The following PCDH10 variants were observed in gnomAD, a reference collection of about 807,000 sequenced individuals.
PCDH10 encodes the protein protocadherin 10.
PCDH10 carries 15 observed loss-of-function variants against 74.4 expected under a neutral mutation model. The ratio of observed to expected loss-of-function variants is 0.20; its 90% CI spans 0.13 to 0.31. PCDH10 has a LOEUF of 0.31. Ranked by LOEUF, PCDH10 falls within the 10% of genes least tolerant of loss-of-function variation. PCDH10 has a pLI of 1.00. For synonymous variants in PCDH10, 619 were observed against 589.8 expected, an observed-to-expected ratio of 1.05 and a Z score of -0.72; for missense variants, 1,260 against 1,390.2, an observed-to-expected ratio of 0.91 and a Z score of 1.49.
intron 2 of PCDH10, among the ~76,000 whole-genome samples, chr4:133,201,478 C>G (rs549600466): frequency 6.6e-6 from 1 of 152,196 alleles, no homozygotes; most frequent in East Asian, 1.9e-4. Flanking sequence ...ACAGAGGAAA[C>G]AACCTCCCAC....
intron 4 of PCDH10, among the ~76,000 whole-genome samples, chr4:133,189,047 G>C (rs997780144): frequency 6.6e-6 from 1 of 151,982 alleles, no homozygotes; most frequent in African/African-American, 2.4e-5. Flanking sequence ...GTCAGAAACT[G>C]AGCTTTTGAG....
At chr4:133,153,971 C>A (rs72715781) in intron 1 of PCDH10, 31,552 of 213,054 alleles carry the variant, frequency 0.15, 2,790 homozygotes, top group Middle Eastern at 0.23. Context: ...AAGGAAAAGA[C>A]AGCAGAATAT....
chr4:133,202,438 GAAGTA>G (rs1179729812), intron 2 of PCDH10, among the ~76,000 whole-genome samples: 1 of 152,168 alleles, frequency 6.6e-6, no homozygotes, highest in Non-Finnish European at 1.5e-5. Flanking sequence ...TCTATTTTAA[GAAGTA>G]AAGTAAATGC....
At position 133,150,666 on chromosome 4, in the gene PCDH10, G is replaced by A. The variant is rs757835485; in HGVS notation, c.526G>A (p.Asp176Asn). ...YFSLDVQTQG[D>N]GNRFAELVLE... is the part of the protein sequence containing the mutation. The stretch of plus-strand genomic sequence containing the variant: ...CTCCCTGGACGTGCAGACCCAGGGG[G>A]ATGGCAACCGATTCGCTGAGCTGGT... Residue 176 changes from aspartate to asparagine, a missense_variant, in exon 1 of 5, where the codon GAT (aspartate) becomes AAT (asparagine). Physicochemically the swap from Asp to Asn is conservative, Grantham distance 23 (BLOSUM62 1). Around this residue, in one of 11 missense-constraint regions of PCDH10, gnomAD observed 35 missense variants for 29.1 expected, o/e 1.20. Coordinates refer to ENST00000264360, the MANE Select transcript of PCDH10 (RefSeq NM_032961.3). The A allele has an allele frequency of 1.2e-6, 2 of 1,613,126 alleles. No individual in the cohort carries two copies. Among genetic ancestry groups the A allele is most frequent in the East Asian group, 2.2e-5 (1 of 44,810 alleles).
At chr4:133,198,571 T>A (rs531724896), downstream of PCDH10, among the ~76,000 whole-genome samples, 2 of 152,318 alleles carry the variant, frequency 1.3e-5, no homozygotes, top group South Asian at 4.1e-4. Context: ...ATGTATGGCC[T>A]CACATGACAG....
intron 4 of PCDH10, among the ~76,000 whole-genome samples, chr4:133,187,505 C>T (rs1307656529): frequency 6.6e-6 from 1 of 152,022 alleles, no homozygotes; most frequent in East Asian, 2.0e-4. Flanking sequence ...ATCTTCCTTC[C>T]TCAATCTAAT....
intron 4 of PCDH10, among the ~76,000 whole-genome samples, chr4:133,177,532 A>G (rs1159014390): frequency 6.6e-6 from 1 of 152,164 alleles, no homozygotes; most frequent in Non-Finnish European, 1.5e-5. Flanking sequence ...GTTTGCCCAA[A>G]TAACAAGAGA....
At chr4:133,177,458 G>GT (rs1308982934) in intron 4 of PCDH10, among the ~76,000 whole-genome samples, 23 of 151,974 alleles carry the variant, frequency 1.5e-4, no homozygotes, top group Admixed American at 1.4e-3. Context: ...TAATTCTCAT[G>GT]TTTTTTTGAT....
chr4:133,156,015 C>T (rs943878502), intron 3 of PCDH10, among the ~76,000 whole-genome samples: 1 of 152,160 alleles, frequency 6.6e-6, no homozygotes, highest in East Asian at 1.9e-4. Context: ...CTGAAAATGT[C>T]GATCTTAGAC....
In PCDH10 at chr4:133,203,099, G is replaced by A. The variant is rs181487784; in HGVS notation, n.438-4977G>A. 2.0e-5 allele frequency among the ~76,000 whole-genome samples: 3 copies of A among 152,218 alleles called. No homozygotes were observed. In the East Asian group the frequency reaches 5.8e-4, roughly 30 times the overall value. On this transcript the variant is annotated intron_variant and non_coding_transcript_variant, in intron 2 of 2. Coordinates refer to the PCDH10 transcript ENST00000511112. ...GGAGGATCAGAAGCTCAATGTCTAT[G>A]AGAGTTCTGTATTTCCAGAAAAGCC... is the stretch of plus-strand genomic sequence containing the variant.
Position 133,150,494 on chromosome 4 carries a change from C to T in PCDH10, c.354C>T (p.Asn118=), listed in dbSNP as rs766662215. ...VEIEVLDIND[N]PPSFPEPDLT... ...TCGAGGTGCTGGACATTAATGACAA[C>T]CCCCCCTCTTTCCCGGAGCCAGACC... The change falls in exon 1 of 5, where the codon AAC becomes AAT. Residue 118 remains asparagine (N), a synonymous_variant. Coordinates refer to ENST00000264360, the MANE Select transcript of PCDH10 (RefSeq NM_032961.3). 19 of 1,460,046 alleles carry T rather than the reference C, an allele frequency of 1.3e-5. No individual in the cohort carries two copies. The highest frequency in any genetic ancestry group is 5.8e-5 in the South Asian group (4 of 68,760). 90.4% of individuals were successfully genotyped at this position (1,460,046 alleles called of 1,614,324 possible). A position where few individuals can be genotyped will look rare whatever the true frequency, so the allele number is the denominator to read the frequency against.
chr4:133,166,864 G>A (rs982879326), intron 4 of PCDH10, among the ~76,000 whole-genome samples: 2 of 151,396 alleles, frequency 1.3e-5, no homozygotes, highest in Non-Finnish European at 3.0e-5. Flanking sequence ...AAATATACTT[G>A]TGAAAATATT....
intron 4 of PCDH10, among the ~76,000 whole-genome samples, chr4:133,181,283 CTT>C (rs1181015733): frequency 6.6e-6 from 1 of 151,706 alleles, no homozygotes; most frequent in African/African-American, 2.4e-5. Flanking sequence ...TTCTAGATAA[CTT>C]AGTTTTTTTT....
At chr4:133,206,730 G>C (rs72717714) in intron 2 of PCDH10, among the ~76,000 whole-genome samples, 18,873 of 152,048 alleles carry the variant, frequency 0.12, 1,487 homozygotes, top group Non-Finnish European at 0.17. Context: ...GAGGAAGAAA[G>C]GTTAGTGCAT....
At chr4:133,168,744 T>A (rs2125865590) in intron 4 of PCDH10, among the ~76,000 whole-genome samples, 1 of 151,800 alleles carries the variant, frequency 6.6e-6, no homozygotes, top group Admixed American at 6.6e-5. Context: ...AATTATGTGA[T>A]GAAAAATGAA....
intron 4 of PCDH10, among the ~76,000 whole-genome samples, chr4:133,167,010 A>G (rs1374653297): frequency 6.6e-6 from 1 of 151,470 alleles, no homozygotes; most frequent in African/African-American, 2.4e-5. Context: ...TTGCCTTCAT[A>G]TTATACAACA....
intron 2 of PCDH10, among the ~76,000 whole-genome samples, chr4:133,205,028 G>A (rs1333529391): frequency 2.0e-5 from 3 of 152,146 alleles, no homozygotes; most frequent in Non-Finnish European, 4.4e-5. Context: ...AATTCCCTGT[G>A]TTAGCAGGGA....
chr4:133,194,488 CTT>C lies in PCDH10; in HGVS notation c.*4329_*4330del, dbSNP rs1456139443. On this transcript the variant is annotated 3_prime_UTR_variant, in exon 5 of 5. Transcript: ENST00000264360. ...ATTATAACAAAAGATGAGTTTCAAT[CTT>C]AACTACAGTGTTTGTTACTGTGAAT... 6.6e-6 allele frequency: 1 copy of C among 151,768 alleles called. No homozygotes were observed. The highest frequency in any genetic ancestry group is 1.9e-4 in the East Asian group (1 of 5,176). The allele number at this position is 151,768 out of a possible 1,614,324, so 9.4% of individuals were successfully genotyped here. A position where few individuals can be genotyped will look rare whatever the true frequency, so the allele number is the denominator to read the frequency against.
chr4:133,190,101 A>G, intron 4 of PCDH10, 40 bp from the exon 5 acceptor site: 1 of 1,565,206 alleles, frequency 6.4e-7, no homozygotes, highest in African/African-American at 1.4e-5. Context: ...TCCAAAAGTC[A>G]ACCTCTTTTT....
Sources: allele counts gnomAD v4.1 joint callset (sites outside exome capture counted in the v4.1 genomes callset), GRCh38; gene constraint gnomAD v4.1.1; regional missense constraint gnomAD v4.1.1; transcripts MANE v1.5; gene names NCBI Gene and HGNC (gene_info 2026-07-23, HGNC 2026-07-21).